FSTL5: variants seen among roughly 807,000 people sequenced by gnomAD.
The protein encoded by FSTL5 is follistatin-related protein 5.
Under a neutral mutation model 89.1 loss-of-function variants are expected in FSTL5, and 62 were observed. That is an observed-to-expected ratio of 0.70 (90% CI 0.57 to 0.86). FSTL5 has a LOEUF of 0.86. Among genes scored for constraint, FSTL5 ranks in the 40% least tolerant of loss-of-function variants. FSTL5 has a pLI of 0.00. For synonymous variants in FSTL5, 383 were observed against 346.2 expected (o/e 1.11, Z -1.18); for missense variants, 1,057 against 1,001.6 (o/e 1.06, Z -0.75).
chr4:161,677,941 CCA>C (rs917955481), intron 6 of FSTL5, among the ~76,000 whole-genome samples: 9 of 151,384 alleles, frequency 5.9e-5, no homozygotes, highest in African/African-American at 2.2e-4. Flanking sequence ...AAATATTATG[CCA>C]CACACCATAG....
intron 6 of FSTL5, among the ~76,000 whole-genome samples, chr4:161,692,977 C>A (rs561003824): frequency 2.0e-5 from 3 of 152,216 alleles, no homozygotes; most frequent in African/African-American, 4.8e-5. Flanking sequence ...CTGCCTTGTC[C>A]TCCCAAAGTG....
chr4:161,437,016 T>C (rs1163324865), intron 15 of FSTL5, among the ~76,000 whole-genome samples: 3 of 152,200 alleles, frequency 2.0e-5, no homozygotes, highest in African/African-American at 7.2e-5. Flanking sequence ...ATTCTCATAA[T>C]GAAGACAAAT....
intron 1 of FSTL5, among the ~76,000 whole-genome samples, chr4:162,126,862 T>C (rs1424228410): frequency 6.6e-6 from 1 of 152,156 alleles, no homozygotes; most frequent in Middle Eastern, 3.2e-3. Flanking sequence ...GCCTGACAGA[T>C]GGTACGTGTT....
chr4:161,414,901 T>C (rs936819202), intron 15 of FSTL5, among the ~76,000 whole-genome samples: 2 of 152,208 alleles, frequency 1.3e-5, no homozygotes, highest in African/African-American at 2.4e-5. Flanking sequence ...TTGTGACATA[T>C]TGAATAAGTG....
chr4:161,836,562 G>T (rs1295605486), intron 4 of FSTL5, among the ~76,000 whole-genome samples: 2 of 152,036 alleles, frequency 1.3e-5, no homozygotes, highest in African/African-American at 4.8e-5. Flanking sequence ...GGGTCCCAGT[G>T]GTGATGAGCT....
At chr4:161,657,325 T>G (rs10011846) in intron 6 of FSTL5, among the ~76,000 whole-genome samples, 30,858 of 152,168 alleles carry the variant, frequency 0.2, 3,539 homozygotes, top group Middle Eastern at 0.32. Flanking sequence ...TGTTTCCTGC[T>G]GACATTCACA....
chr4:161,965,352 A>G (rs954732544), intron 3 of FSTL5, among the ~76,000 whole-genome samples: 3 of 152,120 alleles, frequency 2.0e-5, no homozygotes, highest in African/African-American at 4.8e-5. Context: ...AAGAAGCCCA[A>G]GACAGGCTCA....
Position 161,985,249 on chromosome 4 carries a change from A to T in FSTL5, c.160+48376T>A, listed in dbSNP as rs184894730. ...TTGTTTTATATCTCATTATAAAATTAAAAAAAGTAAGATTCTTCAGTCTCA... is the reference window on the plus strand; with the variant it reads ...TTGTTTTATATCTCATTATAAAATTTAAAAAAGTAAGATTCTTCAGTCTCA... On this transcript the variant is annotated intron_variant, in intron 3 of 15. Coordinates refer to ENST00000306100, the MANE Select transcript of FSTL5 (RefSeq NM_020116.5). Among the ~76,000 whole-genome samples the T allele has an allele frequency of 9.9e-5, 15 of 152,260 alleles. No individual in the cohort carries two copies. The East Asian group carries it at 1.9e-3, about 20-fold the overall frequency.
At chr4:161,834,787 C>T (rs1177079648) in intron 4 of FSTL5, among the ~76,000 whole-genome samples, 1 of 152,000 alleles carries the variant, frequency 6.6e-6, no homozygotes, top group Middle Eastern at 3.4e-3. Context: ...AACCACTGCT[C>T]GAGGAAATAC....
intron 1 of FSTL5, among the ~76,000 whole-genome samples, chr4:162,118,291 C>T (rs1243564607): frequency 3.3e-5 from 5 of 151,478 alleles, no homozygotes; most frequent in Admixed American, 2.0e-4. Context: ...GACGGAATCT[C>T]GCTCTGTCGC....
At chr4:161,513,395 T>C (rs1415641108) in intron 10 of FSTL5, among the ~76,000 whole-genome samples, 2 of 151,448 alleles carry the variant, frequency 1.3e-5, no homozygotes, top group African/African-American at 4.9e-5. Context: ...AAATAACTAA[T>C]GGGTACTTGG....
intron 11 of FSTL5, among the ~76,000 whole-genome samples, 167 bp downstream of exon 11, chr4:161,510,231 T>C (rs1035022868): frequency 6.6e-6 from 1 of 152,100 alleles, no homozygotes; most frequent in Non-Finnish European, 1.5e-5. Flanking sequence ...TGAGAACTGA[T>C]AAATATGTGT....
intron 7 of FSTL5, among the ~76,000 whole-genome samples, chr4:161,612,606 T>C (rs565647907): frequency 3.3e-4 from 50 of 152,350 alleles, no homozygotes; most frequent in Non-Finnish European, 5.6e-4. Context: ...AAAAGTCATG[T>C]AATTCACTTG....
chr4:161,563,567 A>G (rs1732683063), intron 8 of FSTL5, among the ~76,000 whole-genome samples: 1 of 151,590 alleles, frequency 6.6e-6, no homozygotes. Context: ...CTTTATTATT[A>G]TTTCTGCTTT....
chr4:162,040,910 T>C (rs768723738), intron 2 of FSTL5, among the ~76,000 whole-genome samples: 9 of 152,028 alleles, frequency 5.9e-5, no homozygotes, highest in Non-Finnish European at 1.3e-4. Context: ...GTATCTTCCA[T>C]GAAGAAAACT....
intron 4 of FSTL5, among the ~76,000 whole-genome samples, chr4:161,822,525 C>T (rs552986649): frequency 6.6e-6 from 1 of 152,326 alleles, no homozygotes; most frequent in African/African-American, 2.4e-5. Flanking sequence ...ATACTGCAAA[C>T]AGCTTCCACT....
chr4:161,661,391 T>G (rs772603908), intron 6 of FSTL5, among the ~76,000 whole-genome samples: 4 of 152,128 alleles, frequency 2.6e-5, no homozygotes, highest in Non-Finnish European at 5.9e-5. Context: ...TCAGTAATGT[T>G]TCCTAATAAT....
intron 4 of FSTL5, among the ~76,000 whole-genome samples, chr4:161,896,511 G>A (rs1460631641): frequency 6.6e-6 from 1 of 152,006 alleles, no homozygotes; most frequent in Non-Finnish European, 1.5e-5. Flanking sequence ...GTAGCTTAAT[G>A]GAACTGAGGA....
At chr4:161,913,049 T>G (rs1208646918) in intron 4 of FSTL5, among the ~76,000 whole-genome samples, 3 of 152,102 alleles carry the variant, frequency 2.0e-5, no homozygotes, top group Non-Finnish European at 4.4e-5. Context: ...AGCAAAGCAT[T>G]CAAGAGCTGA....
Sources: allele counts gnomAD v4.1 joint callset (sites outside exome capture counted in the v4.1 genomes callset), GRCh38; gene constraint gnomAD v4.1.1; transcripts MANE v1.5; gene names NCBI Gene and HGNC (gene_info 2026-07-23, HGNC 2026-07-21).